TAFA1: variants seen among roughly 807,000 people sequenced by gnomAD.
TAFA1 encodes the protein chemokine-like protein TAFA-1.
A neutral mutation model predicts 18.5 loss-of-function variants in TAFA1; 4 were observed. The ratio of observed to expected loss-of-function variants is 0.22; its 90% CI spans 0.11 to 0.49. TAFA1 has a LOEUF of 0.49. TAFA1 is among the 20% of genes least tolerant of loss of function. The pLI, the probability that TAFA1 is intolerant of heterozygous loss-of-function variation, is 0.98. For missense variants in TAFA1, 147 were observed against 169.0 expected, an observed-to-expected ratio of 0.87 and a Z score of 0.72; for synonymous variants, 56 against 55.2, an observed-to-expected ratio of 1.01 and a Z score of -0.06.
chr3:68,307,683 G>T (rs1394935996), intron 2 of TAFA1, among the ~76,000 whole-genome samples: 1 of 152,112 alleles, frequency 6.6e-6, no homozygotes, highest in Non-Finnish European at 1.5e-5. Context: ...CAAGGCACTT[G>T]AAAAAACTGG....
At chr3:68,485,856 C>G (rs1443588091) in intron 3 of TAFA1, among the ~76,000 whole-genome samples, 2 of 152,136 alleles carry the variant, frequency 1.3e-5, no homozygotes, top group Non-Finnish European at 2.9e-5. Flanking sequence ...CATTGACTAT[C>G]TCTCCAGTCA....
At chr3:68,110,301 A>G (rs914108505) in intron 2 of TAFA1, among the ~76,000 whole-genome samples, 3 of 152,212 alleles carry the variant, frequency 2.0e-5, no homozygotes, top group Non-Finnish European at 4.4e-5. Context: ...TGCAAAGAAC[A>G]TGAGCTCATT....
At chr3:68,072,033 T>C (rs1012289912) in intron 2 of TAFA1, among the ~76,000 whole-genome samples, 2 of 152,146 alleles carry the variant, frequency 1.3e-5, no homozygotes, top group Non-Finnish European at 2.9e-5. Flanking sequence ...AGAATAGCAA[T>C]AGTATTTTAT....
chr3:68,121,122 A>T (rs1375645789), intron 2 of TAFA1, among the ~76,000 whole-genome samples: 1 of 152,166 alleles, frequency 6.6e-6, no homozygotes, highest in African/African-American at 2.4e-5. Context: ...TTCTCCAAGG[A>T]AAAGTATATT....
At chr3:68,244,509 T>C (rs756909190) in intron 2 of TAFA1, among the ~76,000 whole-genome samples, 11 of 152,156 alleles carry the variant, frequency 7.2e-5, no homozygotes, top group Non-Finnish European at 1.0e-4. Context: ...TTAAAAAGAT[T>C]ATGTCTCCCC....
intron 3 of TAFA1, among the ~76,000 whole-genome samples, chr3:68,489,653 A>C (rs371905492): frequency 6.6e-6 from 1 of 152,214 alleles, no homozygotes; most frequent in African/African-American, 2.4e-5. Flanking sequence ...TTAATGCTAC[A>C]AAAGCGATGA....
intron 3 of TAFA1, among the ~76,000 whole-genome samples, chr3:68,534,360 TA>T (rs2073238533): frequency 6.6e-6 from 1 of 152,346 alleles, no homozygotes; most frequent in East Asian, 1.9e-4. Context: ...CAAGATGGCA[TA>T]AAAACATCGA....
In TAFA1 at chr3:68,544,862, T is replaced by C. The variant is rs1273573641; in HGVS notation, c.*359T>C. 1 of 152,692 alleles carries C rather than the reference T, an allele frequency of 6.5e-6. No homozygotes were observed. Among genetic ancestry groups the C allele is most frequent in the Non-Finnish European group, 1.5e-5 (1 of 68,526 alleles). The allele number at this position is 152,692 out of a possible 1,614,324, so 9.5% of individuals were successfully genotyped here. A position where few individuals can be genotyped will look rare whatever the true frequency, so the allele number is the denominator to read the frequency against. ...AATATTATCTATTCTCTTCAAGAAA[T>C]GAACAGTACCACAGTTTGAGACGGC... On this transcript the variant is annotated 3_prime_UTR_variant, in exon 5 of 5. Transcript: ENST00000478136.
intron 2 of TAFA1, among the ~76,000 whole-genome samples, chr3:68,315,837 T>C (rs1034546598): frequency 1.3e-5 from 2 of 152,204 alleles, no homozygotes; most frequent in Non-Finnish European, 2.9e-5. Context: ...AGGCTAAACA[T>C]ATGCAGAGAT....
chr3:68,000,137 T>A (rs1328358672), upstream of TAFA1, among the ~76,000 whole-genome samples: 1 of 152,224 alleles, frequency 6.6e-6, no homozygotes. Context: ...GCCATCCTGA[T>A]GGTGAATTAG....
At chr3:68,359,590 A>C (rs1485173611) in intron 2 of TAFA1, among the ~76,000 whole-genome samples, 6 of 151,974 alleles carry the variant, frequency 3.9e-5, no homozygotes, top group African/African-American at 1.4e-4. Flanking sequence ...CAGAAAATTC[A>C]AGGAAATGAA....
chr3:68,196,437 T>C (rs1229690125), intron 2 of TAFA1, among the ~76,000 whole-genome samples: 1 of 151,746 alleles, frequency 6.6e-6, no homozygotes, highest in Non-Finnish European at 1.5e-5. Context: ...TTATGTGGGA[T>C]CTATATTTGT....
chr3:68,218,788 G>C (rs1272995717), intron 2 of TAFA1, among the ~76,000 whole-genome samples: 2 of 152,152 alleles, frequency 1.3e-5, no homozygotes, highest in East Asian at 1.9e-4. Context: ...ATGTAGAGAA[G>C]AGTCTGGACT....
intron 2 of TAFA1, among the ~76,000 whole-genome samples, chr3:68,293,061 G>C (rs1292866422): frequency 6.6e-6 from 1 of 151,852 alleles, no homozygotes; most frequent in African/African-American, 2.4e-5. Flanking sequence ...AAATGCCTTA[G>C]GTTTGTACTA....
intron 3 of TAFA1, among the ~76,000 whole-genome samples, chr3:68,432,511 C>T (rs533568812): frequency 5.9e-5 from 9 of 152,012 alleles, no homozygotes; most frequent in Non-Finnish European, 1.2e-4. Flanking sequence ...ATTGTAATGC[C>T]TTTGCTTGTG....
chr3:68,375,675 T>C (rs1193924410), intron 2 of TAFA1, among the ~76,000 whole-genome samples: 1 of 152,218 alleles, frequency 6.6e-6, no homozygotes, highest in Non-Finnish European at 1.5e-5. Flanking sequence ...ATTCTTAACA[T>C]CCTTATTTAA....
At chr3:68,293,367 A>C (rs537814126) in intron 2 of TAFA1, among the ~76,000 whole-genome samples, 1 of 152,238 alleles carries the variant, frequency 6.6e-6, no homozygotes, top group African/African-American at 2.4e-5. Flanking sequence ...CATTCTGGAC[A>C]TGTATCCCAG....
chr3:68,059,494 C>G (rs1465277311), intron 2 of TAFA1, among the ~76,000 whole-genome samples: 1 of 152,088 alleles, frequency 6.6e-6, no homozygotes, highest in Non-Finnish European at 1.5e-5. Flanking sequence ...ATAAGCTACC[C>G]TGGAAGGAAC....
chr3:68,206,633 C>T (rs2066529499), intron 2 of TAFA1, among the ~76,000 whole-genome samples: 1 of 151,966 alleles, frequency 6.6e-6, no homozygotes, highest in Admixed American at 6.6e-5. Context: ...ATAAATTACA[C>T]TTTCTCTCTG....
Sources: gnomAD v4.1 joint callset for allele counts (sites outside exome capture counted in the v4.1 genomes callset) on GRCh38, gnomAD v4.1.1 for gene constraint, MANE v1.5 for transcripts, NCBI Gene and HGNC (gene_info 2026-07-23, HGNC 2026-07-21) for gene names.